TTC22: variants seen among roughly 807,000 people sequenced by gnomAD.
TTC22 encodes the protein tetratricopeptide repeat domain 22.
Under a neutral mutation model 48.2 loss-of-function variants are expected in TTC22, and 42 were observed. That is an observed-to-expected ratio of 0.87 (90% confidence interval 0.68 to 1.13). The LOEUF (loss-of-function observed/expected upper bound fraction) is 1.13, where lower values mean the gene tolerates loss of function less well. Among genes scored for constraint, TTC22 ranks in the 50% most tolerant of loss-of-function variants. TTC22 has a pLI of 0.00. For missense variants in TTC22, 784 were observed against 807.0 expected (o/e 0.97, Z 0.34); for synonymous variants, 345 against 365.5 (o/e 0.94, Z 0.64).
intron 1 of TTC22, among the ~76,000 whole-genome samples, chr1:54,789,170 AG>A (rs1257080230): frequency 2.0e-5 from 3 of 152,232 alleles, no homozygotes; most frequent in African/African-American, 7.2e-5. Context: ...CAGCCTCCAA[AG>A]CCCATGCTTG....
rs1358194103 is a variant in TTC22, at chr1:54,800,536, A to C, written c.567+61T>G. ...GGTACCGGGGCATCTCTGCAGACAG[A>C]AGGGACCATGGGAGGACCACAGTCC... is the stretch of plus-strand genomic sequence containing the variant. On this transcript the variant is annotated intron_variant, in intron 1 of 6. Coordinates refer to ENST00000371276, the MANE Select transcript of TTC22 (RefSeq NM_001114108.2). 2.2e-6 allele frequency: 3 copies of C among 1,347,426 alleles called. No individual in the cohort carries two copies. The African/African-American group carries it at 4.7e-5, about 21-fold the overall frequency. 83.5% of individuals were successfully genotyped at this position (1,347,426 alleles called of 1,614,324 possible).
intron 5 of TTC22, chr1:54,785,686 A>C (rs901392702): frequency 4.9e-6 from 2 of 412,370 alleles, no homozygotes; most frequent in Admixed American, 6.7e-5. Flanking sequence ...GGTGGTGTGC[A>C]CCTGTAGTCC....
intron 1 of TTC22, among the ~76,000 whole-genome samples, chr1:54,790,790 CT>C (rs1363674196): frequency 2.0e-5 from 3 of 150,208 alleles, no homozygotes; most frequent in African/African-American, 7.3e-5. Flanking sequence ...GCTGCTGCTG[CT>C]TCTTTCTTCT....
At position 54,781,564 on chromosome 1, in the gene TTC22, G is replaced by C; in HGVS notation, c.1389C>G (p.Asp463Glu). Residue 463 changes from aspartate to glutamate, a missense_variant, in exon 7 of 7, where the codon GAC becomes GAG. Asp to Glu is a conservative substitution (Grantham distance 45, BLOSUM62 2). Coordinates refer to ENST00000371276, the MANE Select transcript of TTC22 (RefSeq NM_001114108.2). ...ACFKRAVELD[D>E]AGSSHTDGFG... The stretch of plus-strand genomic sequence containing the variant: ...AGCCGTCGGTGTGGCTGGAGCCCGC[G>C]TCGTCCAGCTCCACTGCGCGCTTGA... 6.6e-7 allele frequency: 1 copy of C among 1,521,388 alleles called. No homozygotes were observed. Among genetic ancestry groups the C allele is most frequent in the Non-Finnish European group, 8.8e-7 (1 of 1,141,482 alleles). The allele number at this position is 1,521,388 out of a possible 1,614,324, so 94.2% of individuals were successfully genotyped here.
intron 1 of TTC22, among the ~76,000 whole-genome samples, chr1:54,793,336 C>T (rs1646367232): frequency 6.6e-6 from 1 of 152,156 alleles, no homozygotes; most frequent in African/African-American, 2.4e-5. Flanking sequence ...TCTCAGCACA[C>T]CTCCCAGCTC....
chr1:54,786,210 T>C, intron 4 of TTC22, 66 bp from the exon 5 acceptor site: 1 of 1,487,174 alleles, frequency 6.7e-7, no homozygotes, highest in Non-Finnish European at 9.3e-7. Flanking sequence ...GGCTAAACAG[T>C]GCTGAACCAC....
At chr1:54,800,511 G>A (rs1166069332) in intron 1 of TTC22, 86 bp downstream of exon 1, 17 of 1,184,856 alleles carry the variant, frequency 1.4e-5, no homozygotes, top group Non-Finnish European at 3.3e-6. Flanking sequence ...GAGAGTCAGG[G>A]GTACCGGGGC....
intron 1 of TTC22, among the ~76,000 whole-genome samples, chr1:54,800,174 G>C (rs900090709): frequency 7.9e-5 from 12 of 152,190 alleles, no homozygotes; most frequent in Non-Finnish European, 1.5e-4. Context: ...TTTGTGAAGG[G>C]AGCTGTGCTT....
At chr1:54,799,958 T>C (rs1646420244) in intron 1 of TTC22, among the ~76,000 whole-genome samples, 1 of 152,214 alleles carries the variant, frequency 6.6e-6, no homozygotes, top group African/African-American at 2.4e-5. Context: ...AAGCACTGAT[T>C]TGAAGTGAGT....
At chr1:54,782,873 CA>C (rs1646273413) in intron 5 of TTC22, among the ~76,000 whole-genome samples, 2 of 152,284 alleles carry the variant, frequency 1.3e-5, no homozygotes, top group South Asian at 4.1e-4. Flanking sequence ...CAATAGTAAA[CA>C]GTTCTATTTC....
At chr1:54,782,793 G>T (rs185902673) in intron 5 of TTC22, among the ~76,000 whole-genome samples, 1 of 152,310 alleles carries the variant, frequency 6.6e-6, no homozygotes, top group Non-Finnish European at 1.5e-5. Flanking sequence ...GGGTACAGGA[G>T]GTACCGTGGT....
rs980183687 is a variant in TTC22, at chr1:54,801,248, C to G, written c.-85G>C. Reference sequence around the variant, plus strand: ...ATGGGGGCGTTCCCCGAGCGAGCTCCGTGCGGGAGGCGAGGGGCAGCCGGC... The same window carrying G: ...ATGGGGGCGTTCCCCGAGCGAGCTCGGTGCGGGAGGCGAGGGGCAGCCGGC... On this transcript the variant is annotated 5_prime_UTR_variant, in exon 1 of 7. Coordinates refer to ENST00000371276, the MANE Select transcript of TTC22 (RefSeq NM_001114108.2). 92 of 1,411,962 alleles carry G rather than the reference C, an allele frequency of 6.5e-5. No homozygotes were observed. The highest frequency in any genetic ancestry group is 2.0e-4 in the Middle Eastern group (1 of 5,098). The allele number at this position is 1,411,962 out of a possible 1,614,324, so 87.5% of individuals were successfully genotyped here.
intron 5 of TTC22, among the ~76,000 whole-genome samples, 185 bp downstream of exon 5, chr1:54,785,798 C>T (rs370915368): frequency 1.3e-5 from 2 of 152,146 alleles, no homozygotes; most frequent in Admixed American, 6.5e-5. Flanking sequence ...GGTGACAGAG[C>T]GAGACACTGT....
chr1:54,783,016 G>A (rs764214904), intron 5 of TTC22, among the ~76,000 whole-genome samples: 1 of 152,162 alleles, frequency 6.6e-6, no homozygotes, highest in Non-Finnish European at 1.5e-5. Context: ...AGAATGGCAG[G>A]TGGCCCCAAC....
At chr1:54,792,077 A>T (rs1336878787) in intron 1 of TTC22, among the ~76,000 whole-genome samples, 1 of 152,248 alleles carries the variant, frequency 6.6e-6, no homozygotes. Context: ...TTCACTAAGC[A>T]AGCAATACCA....
intron 5 of TTC22, 102 bp from the exon 6 acceptor site, chr1:54,782,579 G>T: frequency 7.9e-7 from 1 of 1,264,734 alleles, no homozygotes; most frequent in Non-Finnish European, 1.1e-6. Context: ...AGCAACCAGG[G>T]AGGTTATGTG....
chr1:54,800,730 C>T lies in TTC22; in HGVS notation c.434G>A (p.Arg145His). Residue 145 changes from arginine to histidine, a missense_variant, in exon 1 of 7, where the codon CGC (arginine) becomes CAC (histidine). By Grantham distance (29) the Arg-to-His change is conservative (BLOSUM62 0). Coordinates refer to ENST00000371276, the MANE Select transcript of TTC22 (RefSeq NM_001114108.2). ...EPEAAGDPQLRAARCLAEQGY... is the reference protein window; with the variant it reads ...EPEAAGDPQLHAARCLAEQGY... ...CTGCTCGGCCAGGCAGCGAGCGGCG[C>T]GGAGCTGGGGGTCCCCGGCGGCCTC... 2 of 1,544,680 alleles carry T rather than the reference C, an allele frequency of 1.3e-6. No individual in the cohort carries two copies. The highest frequency in any genetic ancestry group is 1.7e-6 in the Non-Finnish European group (2 of 1,150,196).
In TTC22 at chr1:54,781,291, C is replaced by A; in HGVS notation, c.1662G>T (p.Glu554Asp). ...VRLLFETMEREGEGASAPRDR... is the reference protein window; with the variant it reads ...VRLLFETMERDGEGASAPRDR... ...CCCGCGGCGCGCTGGCGCCCTCGCC[C>A]TCGCGCTCCATGGTCTCGAAGAGCA... Residue 554 changes from glutamate (E) to aspartate (D), a missense_variant, in exon 7 of 7, where the codon GAG becomes GAT. Physicochemically the swap from Glu to Asp is conservative, Grantham distance 45. Transcript: ENST00000371276. 6.8e-7 allele frequency: 1 copy of A among 1,477,370 alleles called. No individual in the cohort carries two copies. The highest frequency in any genetic ancestry group is 8.9e-7 in the Non-Finnish European group (1 of 1,122,618). The allele number at this position is 1,477,370 out of a possible 1,614,324, so 91.5% of individuals were successfully genotyped here.
At chr1:54,784,051 C>T (rs1264013885) in intron 5 of TTC22, among the ~76,000 whole-genome samples, 2 of 152,114 alleles carry the variant, frequency 1.3e-5, no homozygotes, top group Admixed American at 6.6e-5. Flanking sequence ...GTTGGCATGG[C>T]TTTGATATTT....
Sources: allele counts gnomAD v4.1 joint callset (sites outside exome capture counted in the v4.1 genomes callset), GRCh38; gene constraint gnomAD v4.1.1; transcripts MANE v1.5; gene names NCBI Gene and HGNC (gene_info 2026-07-23, HGNC 2026-07-21).